The following GUCY2F variants were observed in gnomAD, a reference collection of about 807,000 sequenced individuals.
GUCY2F encodes guanylate cyclase 2F, retinal.
GUCY2F carries 61 observed loss-of-function variants against 73.1 expected under a neutral mutation model. That is an observed-to-expected ratio of 0.83 (90% CI 0.68 to 1.03). The LOEUF (loss-of-function observed/expected upper bound fraction) is 1.03, where lower values mean the gene tolerates loss of function less well. Ranked by LOEUF, GUCY2F falls within the 50% of genes least tolerant of loss-of-function variation. The pLI is 0.00. For missense variants in GUCY2F, 912 were observed against 854.3 expected (o/e 1.07, Z -0.84); for synonymous variants, 331 against 307.8 (o/e 1.08, Z -0.79).
chrX:109,412,817 C>T (rs1408895892), intron 8 of GUCY2F, among the ~76,000 whole-genome samples: 1 of 111,455 alleles, frequency 9.0e-6, no homozygotes, highest in Non-Finnish European at 1.9e-5. Context: ...GTGAGACGTG[C>T]CATTTCTAGG....
intron 1 of GUCY2F, among the ~76,000 whole-genome samples, chrX:109,479,433 C>T (rs1202125675): frequency 8.9e-6 from 1 of 111,988 alleles, no homozygotes; most frequent in Non-Finnish European, 1.9e-5. Context: ...TGCACCAACT[C>T]ACCATGTGAC....
intron 3 of GUCY2F, among the ~76,000 whole-genome samples, chrX:109,457,371 A>T (rs147323382): frequency 0.01 from 1,131 of 111,947 alleles, 15 homozygotes; most frequent in African/African-American, 0.035. Context: ...GTACATTAAA[A>T]CATGCCTAGC....
intron 8 of GUCY2F, among the ~76,000 whole-genome samples, chrX:109,429,606 A>G (rs982893223): frequency 8.9e-6 from 1 of 111,808 alleles, no homozygotes; most frequent in Non-Finnish European, 1.9e-5. Flanking sequence ...TGCTCACTTC[A>G]TAAATGTAGA....
At chrX:109,445,945 T>C (rs1931994908) in intron 6 of GUCY2F, among the ~76,000 whole-genome samples, 1 of 111,777 alleles carries the variant, frequency 8.9e-6, no homozygotes, top group South Asian at 3.8e-4. Flanking sequence ...ACAAAATCAA[T>C]GTACAAAAAT....
chrX:109,462,798 G>C (rs1404193589), intron 3 of GUCY2F, among the ~76,000 whole-genome samples: 1 of 111,862 alleles, frequency 8.9e-6, no homozygotes, highest in East Asian at 2.8e-4. Context: ...TTGTATCTAT[G>C]TGATGCCATA....
In GUCY2F at chrX:109,448,155, T is replaced by G. The variant is rs148768857; in HGVS notation, c.1483A>C (p.Asn495His). Residue 495 changes from asparagine (N) to histidine (H), a missense_variant, in exon 6 of 20, where the codon AAT becomes CAT. Physicochemically the swap from Asn to His is moderately conservative, Grantham distance 68. Transcript: ENST00000218006. ...GGTCCTTTGATCAACTGGATTTTAT[T>G]TATACGACGCCTAAAACAAACATGA... ...GFAYFIRRRI[N>H]KIQLIKGPNR... 2,088 of 1,051,543 alleles carry G rather than the reference T, an allele frequency of 2.0e-3. 24 individuals carry two copies. In the African/African-American group the frequency reaches 0.034, roughly 17 times the overall value. 86.7% of individuals were successfully genotyped at this position (1,051,543 alleles called of 1,213,427 possible). A position where few individuals can be genotyped will look rare whatever the true frequency, so the allele number is the denominator to read the frequency against.
chrX:109,395,415 A>G lies in GUCY2F; in HGVS notation c.2350T>C (p.Cys784Arg). The change falls in exon 12 of 20, where the codon TGT (cysteine) becomes CGT (arginine). Residue 784 changes from cysteine to arginine, a missense_variant. Transcript: ENST00000218006. ...VVPPEHAPPECLQLMKQCWAE... is the reference protein window; with the variant it reads ...VVPPEHAPPERLQLMKQCWAE... ...CAGCACTGCTTCATCAGCTGGAGACATTCTGGAGGGGCATGCTCAGGAGGA... is the reference window on the plus strand; with the variant it reads ...CAGCACTGCTTCATCAGCTGGAGACGTTCTGGAGGGGCATGCTCAGGAGGA... 8.3e-7 allele frequency: 1 copy of G among 1,199,053 alleles called. No individual in the cohort carries two copies. Among genetic ancestry groups the G allele is most frequent in the South Asian group, 1.8e-5 (1 of 56,693 alleles).
chrX:109,391,847 A>G, intron 14 of GUCY2F, 64 bp downstream of exon 14: 2 of 642,624 alleles, frequency 3.1e-6, no homozygotes, highest in South Asian at 8.4e-5. Flanking sequence ...ATTTTAGAAT[A>G]CATATGGATG....
intron 19 of GUCY2F, among the ~76,000 whole-genome samples, chrX:109,373,835 A>C (rs1424845406): frequency 1.8e-5 from 2 of 112,774 alleles, no homozygotes; most frequent in East Asian, 2.8e-4. Flanking sequence ...TGATACAAAA[A>C]CCAGGTTTGA....
chrX:109,455,646 G>A (rs1030239498), intron 3 of GUCY2F, among the ~76,000 whole-genome samples: 3 of 110,817 alleles, frequency 2.7e-5, no homozygotes, highest in South Asian at 3.8e-4. Flanking sequence ...TCTTCATCTC[G>A]CTGACGTCTC....
intron 10 of GUCY2F, among the ~76,000 whole-genome samples, chrX:109,401,365 G>A (rs1327893307): frequency 8.9e-6 from 1 of 111,966 alleles, no homozygotes; most frequent in African/African-American, 3.2e-5. Context: ...TGGAAGTCTA[G>A]AGACCCGGGT....
chrX:109,469,643 G>A lies in GUCY2F; in HGVS notation c.731-4200C>T, dbSNP rs185743496. 1.1e-4 allele frequency among the ~76,000 whole-genome samples: 12 copies of A among 110,957 alleles called. No individual in the cohort carries two copies. In the East Asian group the frequency reaches 3.4e-3, roughly 31 times the overall value. Reference sequence around the variant, plus strand: ...AACAGTTGCTAACAGGGCGGGGAGGGGAGGCAGACCAGAGGAGGAGGGCAG... The same window carrying A: ...AACAGTTGCTAACAGGGCGGGGAGGAGAGGCAGACCAGAGGAGGAGGGCAG... On this transcript the variant is annotated intron_variant, in intron 2 of 19. Transcript: ENST00000218006.
chrX:109,475,180 T>G (rs1231059753), intron 2 of GUCY2F, 27 bp downstream of exon 2: 12 of 1,182,550 alleles, frequency 1.0e-5, no homozygotes, highest in Non-Finnish European at 1.4e-5. Context: ...AAGTCACGTT[T>G]AAATTTCAGC....
intron 3 of GUCY2F, among the ~76,000 whole-genome samples, chrX:109,454,916 A>C (rs1360865530): frequency 2.7e-5 from 3 of 111,495 alleles, no homozygotes; most frequent in Non-Finnish European, 5.7e-5. Context: ...GTTTCACAAG[A>C]TCTAGAAAGC....
intron 8 of GUCY2F, among the ~76,000 whole-genome samples, chrX:109,422,108 T>C (rs1931385145): frequency 8.9e-6 from 1 of 111,898 alleles, no homozygotes; most frequent in Non-Finnish European, 1.9e-5. Flanking sequence ...ACAAATGAAC[T>C]TTCCGGTGTA....
intron 14 of GUCY2F, among the ~76,000 whole-genome samples, chrX:109,390,233 A>G (rs1320353812): frequency 9.0e-6 from 1 of 111,323 alleles, no homozygotes; most frequent in Non-Finnish European, 1.9e-5. Context: ...GTCAGTCAAC[A>G]CAAGGGTGCT....
At chrX:109,380,034 C>T (rs772599642) in intron 17 of GUCY2F, among the ~76,000 whole-genome samples, 2 of 112,310 alleles carry the variant, frequency 1.8e-5, no homozygotes, top group South Asian at 3.7e-4. Flanking sequence ...AGGGAAATAA[C>T]GTAAAGTGTC....
At position 109,398,674 on chromosome X, in the gene GUCY2F, A is replaced by T. The variant is rs1603379999; in HGVS notation, c.2150T>A (p.Leu717Gln). 1 of 1,208,547 alleles carries T rather than the reference A, an allele frequency of 8.3e-7. No individual in the cohort carries two copies. Among genetic ancestry groups the T allele is most frequent in the Non-Finnish European group, 1.1e-6 (1 of 893,943 alleles). Residue 717 changes from leucine (L) to glutamine (Q), a missense_variant, in exon 11 of 20, where the codon CTG becomes CAG. Transcript: ENST00000218006. ...CCTGCTGCCTCTTGGAGCTCTCAAC[A>T]GTTCAGGGGCCGTCCACAGCAGCTC... ...MEELLWTAPELLRAPRGSRLG... is the reference protein window; with the variant it reads ...MEELLWTAPEQLRAPRGSRLG...
intron 7 of GUCY2F, among the ~76,000 whole-genome samples, chrX:109,439,033 C>T (rs1931814387): frequency 8.9e-6 from 1 of 112,442 alleles, no homozygotes; most frequent in African/African-American, 3.2e-5. Flanking sequence ...TCCATGCCTC[C>T]ATACCTCTTG....
Sources: gnomAD v4.1 joint callset for allele counts (sites outside exome capture counted in the v4.1 genomes callset) on GRCh38, gnomAD v4.1.1 for gene constraint, MANE v1.5 for transcripts, NCBI Gene and HGNC (gene_info 2026-07-23, HGNC 2026-07-21) for gene names.